Variants in TCF7L2 observed in about 807,000 individuals in gnomAD.
The protein encoded by TCF7L2 is transcription factor 7-like 2.
TCF7L2 carries 23 observed loss-of-function variants against 77.9 expected under a neutral mutation model. The observed-to-expected ratio is 0.30, with a 90% CI of 0.21 to 0.42. The LOEUF (loss-of-function observed/expected upper bound fraction) is 0.42, where lower values mean the gene tolerates loss of function less well. Ranked by LOEUF, TCF7L2 falls within the 10% of genes least tolerant of loss-of-function variation. The probability of loss-of-function intolerance (pLI) is 1.00; values close to 1 mark genes in which losing one functional copy is unlikely to be tolerated. For missense variants in TCF7L2, 654 were observed against 793.1 expected (o/e 0.82, Z 2.11); for synonymous variants, 413 against 340.2 (o/e 1.21, Z -2.36).
chr10:113,035,652 C>T (rs2051057772), intron 4 of TCF7L2, among the ~76,000 whole-genome samples: 1 of 152,224 alleles, frequency 6.6e-6, no homozygotes, highest in Non-Finnish European at 1.5e-5. Context: ...CGGCCTTGGC[C>T]TTCCAAAATG....
At chr10:113,108,448 G>T (rs1034419558) in intron 5 of TCF7L2, among the ~76,000 whole-genome samples, 3 of 152,134 alleles carry the variant, frequency 2.0e-5, no homozygotes, top group Non-Finnish European at 4.4e-5. Flanking sequence ...GCCATTGTGG[G>T]GGGGAGGGGT....
chr10:113,118,945 T>G lies in TCF7L2; in HGVS notation c.553-22239T>G, dbSNP rs568837365. On this transcript the variant is annotated intron_variant, in intron 5 of 13. Transcript: ENST00000627217. ...CAATTGTAATGAACGCATTCAGAAC[T>G]GGAGAATAGATTTACCCTTGGCTTC... Among the ~76,000 whole-genome samples the G allele has an allele frequency of 7.2e-4, 109 of 152,302 alleles. 1 individual carries two copies. Among genetic ancestry groups the G allele is most frequent in the African/African-American group, 2.6e-3 (106 of 41,550 alleles).
chr10:113,018,790 G>C (rs1425299159), intron 4 of TCF7L2, among the ~76,000 whole-genome samples: 3 of 152,150 alleles, frequency 2.0e-5, no homozygotes, highest in African/African-American at 7.2e-5. Flanking sequence ...CCTTTTGTTT[G>C]TGCCTGCTTT....
chr10:112,997,708 T>G (rs770354866), intron 4 of TCF7L2, among the ~76,000 whole-genome samples: 15 of 152,312 alleles, frequency 9.8e-5, no homozygotes, highest in East Asian at 5.8e-4. Context: ...CGTCCTGCCT[T>G]CCTTCTGAGT....
At chr10:113,011,600 A>G (rs1033229444) in intron 4 of TCF7L2, among the ~76,000 whole-genome samples, 2 of 151,908 alleles carry the variant, frequency 1.3e-5, no homozygotes, top group African/African-American at 4.8e-5. Context: ...GCTGTTGAGT[A>G]TTACTGTCGA....
intron 5 of TCF7L2, among the ~76,000 whole-genome samples, chr10:113,136,322 T>C (rs1408798616): frequency 1.3e-5 from 2 of 152,196 alleles, no homozygotes; most frequent in Non-Finnish European, 2.9e-5. Context: ...GTCCCCATCC[T>C]ACCTTCATTT....
chr10:113,070,196 C>A (rs1301356733), intron 5 of TCF7L2, among the ~76,000 whole-genome samples: 9 of 149,626 alleles, frequency 6.0e-5, no homozygotes, highest in African/African-American at 2.0e-4. Flanking sequence ...TCGGAGGTTG[C>A]AGTGAGCCGA....
intron 4 of TCF7L2, 69 bp downstream of exon 4, chr10:112,964,693 G>GC (rs2036098514): frequency 6.8e-6 from 9 of 1,331,736 alleles, no homozygotes; most frequent in Non-Finnish European, 9.6e-6. Flanking sequence ...TTTATTCTCC[G>GC]CCCCTTCCCC....
At chr10:112,995,948 G>A (rs1198338964) in intron 4 of TCF7L2, among the ~76,000 whole-genome samples, 1 of 152,196 alleles carries the variant, frequency 6.6e-6, no homozygotes, top group African/African-American at 2.4e-5. Flanking sequence ...TCCAGTGACT[G>A]TAGGGATATA....
intron 4 of TCF7L2, among the ~76,000 whole-genome samples, chr10:112,966,177 A>AATATACATATATATATAT (rs1564721739): frequency 4.4e-5 from 2 of 45,126 alleles, no homozygotes; most frequent in African/African-American, 2.6e-4. Flanking sequence ...CTCTGTCTAA[A>AATATACATATATATATAT]ATATATTTAT....
At chr10:113,149,401 T>G (rs2070254845) in intron 8 of TCF7L2, among the ~76,000 whole-genome samples, 3 of 152,234 alleles carry the variant, frequency 2.0e-5, no homozygotes, top group Admixed American at 2.0e-4. Flanking sequence ...GGCTTAAATT[T>G]GTAAAGGCAG....
intron 5 of TCF7L2, among the ~76,000 whole-genome samples, chr10:113,109,842 A>G (rs2062892465): frequency 6.6e-6 from 1 of 152,228 alleles, no homozygotes; most frequent in African/African-American, 2.4e-5. Context: ...TTGAAACATA[A>G]TGTGCATATG....
At chr10:113,117,430 TCTCCCTCTCTCTCTCTCTCTCTCTCTC>T (rs1564916571) in intron 5 of TCF7L2, among the ~76,000 whole-genome samples, 4 of 34,902 alleles carry the variant, frequency 1.1e-4, no homozygotes, top group African/African-American at 5.0e-4. Flanking sequence ...TCTCTCTCTC[TCTCCCTCTCTCTCTCTCTCTCTCTCTC>T]TTCTCCCCCC....
At chr10:113,154,499 C>T (rs954537917) in intron 11 of TCF7L2, among the ~76,000 whole-genome samples, 1 of 152,130 alleles carries the variant, frequency 6.6e-6, no homozygotes. Flanking sequence ...CACTGCACAA[C>T]TCTAGAGTAT....
intron 8 of TCF7L2, among the ~76,000 whole-genome samples, chr10:113,147,012 G>A (rs779049349): frequency 7.9e-5 from 12 of 152,108 alleles, no homozygotes; most frequent in Non-Finnish European, 1.3e-4. Flanking sequence ...TCCTCCCTCT[G>A]ATTAATTCTG....
chr10:113,089,399 G>C (rs1255690303), intron 5 of TCF7L2: 4 of 1,612,794 alleles, frequency 2.5e-6, no homozygotes, highest in Non-Finnish European at 2.5e-6. Flanking sequence ...CCTGGCAGCA[G>C]AGCCCCCTCC....
In TCF7L2 at chr10:113,150,470, A is replaced by G. The variant is rs550027285; in HGVS notation, c.876-528A>G. ...CTGTCAAATGATGGGACACAGCACA[A>G]AAGAAAAATAAAAATTGTATTGCAC... is the stretch of plus-strand genomic sequence containing the variant. On this transcript the variant is annotated intron_variant, in intron 8 of 13. Transcript: ENST00000627217. Among the ~76,000 whole-genome samples the G allele has an allele frequency of 7.9e-5, 12 of 152,300 alleles. No individual in the cohort carries two copies. The South Asian group carries it at 2.5e-3, about 32-fold the overall frequency.
intron 3 of TCF7L2, among the ~76,000 whole-genome samples, chr10:112,962,127 C>A (rs1256054009): frequency 3.3e-5 from 5 of 152,068 alleles, no homozygotes; most frequent in African/African-American, 1.2e-4. Flanking sequence ...TTAATTTATT[C>A]ATAAGATTGT....
At chr10:113,001,638 C>T (rs557369869) in intron 4 of TCF7L2, among the ~76,000 whole-genome samples, 3 of 152,194 alleles carry the variant, frequency 2.0e-5, no homozygotes, top group South Asian at 4.1e-4. Context: ...TTTGGAGGTA[C>T]TGGGATAAGA....
Sources: gnomAD v4.1 joint callset for allele counts (sites outside exome capture counted in the v4.1 genomes callset) on GRCh38, gnomAD v4.1.1 for gene constraint, MANE v1.5 for transcripts, NCBI Gene and HGNC (gene_info 2026-07-23, HGNC 2026-07-21) for gene names.